Variants in BRCA2 observed in about 807,000 individuals in gnomAD.
BRCA2 encodes the protein BRCA2 DNA repair associated.
A neutral mutation model predicts 276.7 loss-of-function variants in BRCA2; 203 were observed. That is an observed-to-expected ratio of 0.73 (90% CI 0.65 to 0.82). The LOEUF (loss-of-function observed/expected upper bound fraction) is 0.82, where lower values mean the gene tolerates loss of function less well. Among genes scored for constraint, BRCA2 ranks in the 40% least tolerant of loss-of-function variants. The probability of loss-of-function intolerance (pLI) is 0.00; values close to 1 mark genes in which losing one functional copy is unlikely to be tolerated. For synonymous variants in BRCA2, 1,289 were observed against 1,338.4 expected (o/e 0.96, Z 0.81); for missense variants, 3,920 against 3,915.0 (o/e 1.00, Z -0.03).
At position 32,368,001 on chromosome 13, in the gene BRCA2, C is replaced by CTTTT. The variant is rs71071031; in HGVS notation, c.8332-2368_8332-2365dup. ...ATTAGGGTTGTCTTTTCTTCTAATT[C>CTTTT]TTTTTTTTTTTTTTTTTTTTTTTTT... On this transcript the variant is annotated intron_variant, in intron 18 of 26. Transcript: ENST00000380152. Among the ~76,000 whole-genome samples, 21 of 50,728 alleles carry CTTTT rather than the reference C, an allele frequency of 4.1e-4. 6 individuals are homozygous for CTTTT. The highest frequency in any genetic ancestry group is 1.6e-3 in the African/African-American group (20 of 12,200). 33.3% of individuals were successfully genotyped at this position (50,728 alleles called of 152,430 possible).
intron 13 of BRCA2, among the ~76,000 whole-genome samples, chr13:32,352,538 G>A (rs1268402300): frequency 2.0e-5 from 3 of 152,174 alleles, no homozygotes; most frequent in Non-Finnish European, 4.4e-5. Context: ...TCACATGACT[G>A]CTCAATGGGA....
chr13:32,362,529 G>A lies in BRCA2; in HGVS notation c.7812G>A (p.Leu2604=), dbSNP rs1555286818. ...KAGKEEFYRA[L]CDTPGVDPKL... ...TCTACTTTTATTTGTTCAGGGCTCT[G>A]TGTGACACTCCAGGTGTGGATCCAA... Residue 2604 remains leucine (L), a synonymous_variant, in exon 17 of 27, where the codon CTG becomes CTA. Transcript: ENST00000380152. 1 of 1,613,660 alleles carries A rather than the reference G, an allele frequency of 6.2e-7. No individual in the cohort carries two copies. Among genetic ancestry groups the A allele is most frequent in the Non-Finnish European group, 8.5e-7 (1 of 1,179,628 alleles).
chr13:32,397,855 A>G (rs2073046652), intron 26 of BRCA2, among the ~76,000 whole-genome samples: 1 of 152,208 alleles, frequency 6.6e-6, no homozygotes, highest in South Asian at 2.1e-4. Context: ...TCTTTGTTTA[A>G]TCTGTTAATA....
chr13:32,335,661 C>CT (rs1167527817), intron 10 of BRCA2, among the ~76,000 whole-genome samples: 1 of 151,498 alleles, frequency 6.6e-6, no homozygotes, highest in Non-Finnish European at 1.5e-5. Flanking sequence ...ATAAAAATTA[C>CT]TTTGAGTTTT....
At chr13:32,334,952 G>C (rs1255940437) in intron 10 of BRCA2, among the ~76,000 whole-genome samples, 3 of 152,224 alleles carry the variant, frequency 2.0e-5, no homozygotes, top group Admixed American at 6.5e-5. Flanking sequence ...GTGAATAGTA[G>C]AGTTGGTGAG....
At chr13:32,321,338 G>A (rs1295051851) in intron 3 of BRCA2, among the ~76,000 whole-genome samples, 1 of 152,180 alleles carries the variant, frequency 6.6e-6, no homozygotes, top group African/African-American at 2.4e-5. Context: ...AGCACGTCTT[G>A]TAAGCACATC....
At position 32,339,328 on chromosome 13, in the gene BRCA2, A is replaced by G. The variant is rs1593903991; in HGVS notation, c.4973A>G (p.Gln1658Arg). Reference protein sequence around the residue: ...AKSPATCYTNQSPYSVIENSA... With the variant: ...AKSPATCYTNRSPYSVIENSA... Reference sequence around the variant, plus strand: ...AGTCCTGCAACTTGTTACACAAATCAGTCCCCTTATTCAGTCATTGAAAAT... The same window carrying G: ...AGTCCTGCAACTTGTTACACAAATCGGTCCCCTTATTCAGTCATTGAAAAT... The change falls in exon 11 of 27, where the codon CAG becomes CGG. Residue 1658 changes from glutamine to arginine, a missense_variant. By Grantham distance (43) the Gln-to-Arg change is conservative. Around this residue, in one of 2 missense-constraint regions of BRCA2, gnomAD observed 3,263 missense variants for 3,156.9 expected, o/e 1.03. Coordinates refer to ENST00000380152, the MANE Select transcript of BRCA2 (RefSeq NM_000059.4). 1 of 1,599,814 alleles carries G rather than the reference A, an allele frequency of 6.3e-7. No individual in the cohort carries two copies. The highest frequency in any genetic ancestry group is 8.5e-7 in the Non-Finnish European group (1 of 1,174,670).
At chr13:32,345,671 A>G (rs1192841415) in intron 12 of BRCA2, among the ~76,000 whole-genome samples, 1 of 152,064 alleles carries the variant, frequency 6.6e-6, no homozygotes, top group Admixed American at 6.6e-5. Flanking sequence ...TGCATATACA[A>G]TACATAATGA....
At chr13:32,322,304 A>G (rs943562233) in intron 3 of BRCA2, among the ~76,000 whole-genome samples, 2 of 152,220 alleles carry the variant, frequency 1.3e-5, no homozygotes, top group African/African-American at 4.8e-5. Flanking sequence ...GCTCGATTGT[A>G]GAGACCCTAA....
At chr13:32,315,773 C>A (rs968574522) in intron 1 of BRCA2, 106 bp downstream of exon 1, 7 of 152,990 alleles carry the variant, frequency 4.6e-5, no homozygotes, top group African/African-American at 1.7e-4. Flanking sequence ...GGCTTCTTGC[C>A]CTTTTGTCTC....
rs2073024099 is a variant in BRCA2 at position 32,394,851 on chromosome 13, C to G, written c.9419C>G (p.Ala3140Gly). 2 of 1,614,052 alleles carry G rather than the reference C, an allele frequency of 1.2e-6. No homozygotes were observed. Among genetic ancestry groups the G allele is most frequent in the South Asian group, 2.2e-5 (2 of 91,080 alleles). The change falls in exon 25 of 27, where the codon GCT becomes GGT. Residue 3140 changes from alanine to glycine, a missense_variant. Around this residue, in one of 2 missense-constraint regions of BRCA2, gnomAD observed 657 missense variants for 758.2 expected, o/e 0.87. Transcript: ENST00000380152. Reference sequence around the variant, plus strand: ...AAATCAGGCCTTCTTACTTTATTTGCTGGAGATTTTTCTGTGTTTTCTGCT... The same window carrying G: ...AAATCAGGCCTTCTTACTTTATTTGGTGGAGATTTTTCTGTGTTTTCTGCT... ...ESKSGLLTLFAGDFSVFSASP... is the reference protein window; with the variant it reads ...ESKSGLLTLFGGDFSVFSASP...
chr13:32,325,112 G>A lies in BRCA2; in HGVS notation c.353G>A (p.Arg118His), dbSNP rs80358603. ...NVPNSRHKSL[R>H]TVKTKMDQAD... is the part of the protein sequence containing the mutation. ...CCCAATAGTAGACATAAAAGTCTTC[G>A]CACAGTGAAAACTAAAATGGATCAA... Residue 118 changes from arginine to histidine, a missense_variant, in exon 4 of 27, where the codon CGC becomes CAC. By Grantham distance (29) the Arg-to-His change is conservative. This residue lies in a region of BRCA2 where 3,263 missense variants were observed against 3,156.9 expected (regional missense o/e 1.03). Coordinates refer to ENST00000380152, the MANE Select transcript of BRCA2 (RefSeq NM_000059.4). The A allele has an allele frequency of 2.2e-5, 35 of 1,607,598 alleles. No individual in the cohort carries two copies. Among genetic ancestry groups the A allele is most frequent in the African/African-American group, 1.1e-4 (8 of 74,748 alleles).
chr13:32,326,745 G>A (rs2072352867), intron 7 of BRCA2, 132 bp downstream of exon 7: 1 of 684,750 alleles, frequency 1.5e-6, no homozygotes, highest in Non-Finnish European at 2.4e-6. Flanking sequence ...GTTAGTAACT[G>A]ACAATAATTT....
At chr13:32,319,698 TATC>T (rs1236293692) in intron 3 of BRCA2, among the ~76,000 whole-genome samples, 2 of 152,220 alleles carry the variant, frequency 1.3e-5, no homozygotes, top group Admixed American at 6.5e-5. Context: ...ATACTATAAG[TATC>T]ATGATTTGGA....
At chr13:32,362,718 T>A in intron 17 of BRCA2, 25 bp downstream of exon 17, 1 of 1,612,514 alleles carries the variant, frequency 6.2e-7, no homozygotes, top group Non-Finnish European at 8.5e-7. Context: ...TTACATTACG[T>A]AATCATATAC....
At chr13:32,393,436 A>G (rs2073011464) in intron 24 of BRCA2, among the ~76,000 whole-genome samples, 1 of 152,136 alleles carries the variant, frequency 6.6e-6, no homozygotes, top group Admixed American at 6.6e-5. Context: ...CTGCAGGTTA[A>G]AATTTGGTAC....
chr13:32,366,130 A>G (rs2072780340), intron 18 of BRCA2, among the ~76,000 whole-genome samples: 1 of 152,214 alleles, frequency 6.6e-6, no homozygotes, highest in African/African-American at 2.4e-5. Context: ...AATGAAAGCA[A>G]AGAACTTAAG....
intron 5 of BRCA2, 35 bp downstream of exon 5, chr13:32,326,185 T>A (rs1401688152): frequency 6.2e-7 from 1 of 1,607,316 alleles, no homozygotes; most frequent in African/African-American, 1.3e-5. Context: ...ATTCTTAGAA[T>A]ACTAGAAATG....
intron 10 of BRCA2, among the ~76,000 whole-genome samples, chr13:32,334,676 A>G (rs914774638): frequency 2.7e-5 from 4 of 145,790 alleles, no homozygotes; most frequent in Non-Finnish European, 6.1e-5. Flanking sequence ...CTTGTCCCTG[A>G]AAAAAAAAAA....
Sources: gnomAD v4.1 joint callset for allele counts (sites outside exome capture counted in the v4.1 genomes callset) on GRCh38, gnomAD v4.1.1 for gene constraint, gnomAD v4.1.1 regional missense constraint, MANE v1.5 for transcripts, NCBI Gene and HGNC (gene_info 2026-07-23, HGNC 2026-07-21) for gene names.